Variants in CTSH observed in about 807,000 individuals in gnomAD.
CTSH encodes the protein pro-cathepsin H.
Under a neutral mutation model 56.3 loss-of-function variants are expected in CTSH, and 52 were observed. The observed-to-expected ratio is 0.92, with a 90% CI of 0.74 to 1.16. CTSH has a LOEUF of 1.16. Ranked by LOEUF, CTSH falls within the 50% of genes most tolerant of loss-of-function variation. The pLI, the probability that CTSH is intolerant of heterozygous loss-of-function variation, is 0.00. For synonymous variants in CTSH, 174 were observed against 155.7 expected (o/e 1.12, Z -0.88); for missense variants, 406 against 424.5 (o/e 0.96, Z 0.38).
chr15:78,929,624 G>A (rs981109976), intron 7 of CTSH, 131 bp from the exon 8 acceptor site: 4 of 599,136 alleles, frequency 6.7e-6, no homozygotes, highest in Non-Finnish European at 1.2e-5. Flanking sequence ...AGTGGCAGAG[G>A]GGGTCTCTGA....
intron 1 of CTSH, among the ~76,000 whole-genome samples, chr15:78,942,456 A>C (rs1335657181): frequency 6.6e-6 from 1 of 151,972 alleles, no homozygotes; most frequent in Non-Finnish European, 1.5e-5. Flanking sequence ...CAGGTGATCC[A>C]CCCACCTTGG....
At chr15:78,932,507 G>A (rs2055085078) in intron 5 of CTSH, 49 bp from the exon 6 acceptor site, 2 of 1,438,466 alleles carry the variant, frequency 1.4e-6, no homozygotes, top group Non-Finnish European at 2.0e-6. Context: ...GGGACGCCGT[G>A]AGACAGCCCT....
chr15:78,941,727 C>T (rs1397003328), intron 1 of CTSH, among the ~76,000 whole-genome samples: 1 of 142,770 alleles, frequency 7.0e-6, no homozygotes, highest in Non-Finnish European at 1.5e-5. Flanking sequence ...ACCCGGGAGG[C>T]GGGGCTTGCA....
At chr15:78,943,695 C>A (rs1420480130) in intron 1 of CTSH, among the ~76,000 whole-genome samples, 1 of 152,254 alleles carries the variant, frequency 6.6e-6, no homozygotes, top group Admixed American at 6.5e-5. Context: ...CACTTACATA[C>A]AATCTATGGT....
chr15:78,931,498 C>T lies in CTSH; in HGVS notation c.501G>A (p.Gln167=), dbSNP rs750969488. The change falls in exon 7 of 12, where the codon CAG becomes CAA. Residue 167 remains glutamine, a synonymous_variant. Coordinates refer to ENST00000220166, the MANE Select transcript of CTSH (RefSeq NM_004390.5). ...AGTCCTGGGCGCAGTCCACCAGCTG[C>T]TGTTCCGCCTGGAAGAAGGACACAA... ...ATGKMLSLAE[Q]QLVDCAQDFN... The T allele has an allele frequency of 1.2e-6, 2 of 1,614,266 alleles. No individual in the cohort carries two copies. Among genetic ancestry groups the T allele is most frequent in the Non-Finnish European group, 1.7e-6 (2 of 1,180,048 alleles).
At position 78,936,675 on chromosome 15, in the gene CTSH, G is replaced by C. The variant is rs1808757; in HGVS notation, c.229+643C>G. 0.027 allele frequency among the ~76,000 whole-genome samples: 4,030 copies of C among 151,884 alleles called. 474 individuals are homozygous for C. The East Asian group carries it at 0.36, about 14-fold the overall frequency. Reference sequence around the variant, plus strand: ...ATGGAGTTTCACTCTTGTTGCCCAGGCTGGAGTGCAATGGCACTATCTCGG... The same window carrying C: ...ATGGAGTTTCACTCTTGTTGCCCAGCCTGGAGTGCAATGGCACTATCTCGG... On this transcript the variant is annotated intron_variant, in intron 3 of 11. Coordinates refer to ENST00000220166, the MANE Select transcript of CTSH (RefSeq NM_004390.5).
chr15:78,930,287 A>T (rs1234848784), intron 7 of CTSH, among the ~76,000 whole-genome samples: 1 of 152,214 alleles, frequency 6.6e-6, no homozygotes, highest in East Asian at 1.9e-4. Context: ...GCACTTTGGG[A>T]GGCCAAGGTG....
In CTSH at chr15:78,934,544, CTGA is replaced by C. The variant is rs1480416115; in HGVS notation, c.405+431_405+433del. The stretch of plus-strand genomic sequence containing the variant: ...GCCAGCCCCTGCCATGAGAAGCTTG[CTGA>C]TGCATGACACATGGACTAACCAGAG... On this transcript the variant is annotated intron_variant, in intron 5 of 11. Coordinates refer to ENST00000220166, the MANE Select transcript of CTSH (RefSeq NM_004390.5). 6.6e-5 allele frequency among the ~76,000 whole-genome samples: 10 copies of C among 152,352 alleles called. 1 individual carries two copies. The East Asian group carries it at 1.7e-3, about 26-fold the overall frequency.
chr15:78,930,792 A>G (rs1229033159), intron 7 of CTSH, among the ~76,000 whole-genome samples: 1 of 152,048 alleles, frequency 6.6e-6, no homozygotes, highest in Non-Finnish European at 1.5e-5. Context: ...GGGGTCTGGG[A>G]GAGGGATGTG....
rs145872219 is a variant in CTSH, at chr15:78,927,512, C to G, written c.699+201G>C. 6.7e-4 allele frequency: 366 copies of G among 544,620 alleles called. No individual in the cohort carries two copies. In the Middle Eastern group the frequency reaches 8.8e-3, roughly 13 times the overall value. The allele number at this position is 544,620 out of a possible 1,614,324, so 33.7% of individuals were successfully genotyped here. On this transcript the variant is annotated intron_variant, in intron 9 of 11. Transcript: ENST00000220166. ...GGATCTGGAGTTCAGAACCAGAGGG[C>G]CTGCCTGCCAGTTTGCGCTCTCCCT...
chr15:78,939,642 C>A (rs1375351725), intron 1 of CTSH, among the ~76,000 whole-genome samples: 2 of 152,174 alleles, frequency 1.3e-5, no homozygotes, highest in East Asian at 3.8e-4. Flanking sequence ...AATCCCAGCA[C>A]TTTGGGAGGC....
intron 1 of CTSH, among the ~76,000 whole-genome samples, chr15:78,939,613 C>A (rs534501971): frequency 2.0e-5 from 3 of 152,200 alleles, no homozygotes; most frequent in Non-Finnish European, 4.4e-5. Flanking sequence ...TCCAGCTGGG[C>A]GCGGTGGCTC....
chr15:78,939,215 A>C (rs1479573427), intron 1 of CTSH, 44 bp from the exon 2 acceptor site: 8 of 1,524,820 alleles, frequency 5.2e-6, no homozygotes, highest in Non-Finnish European at 7.1e-6. Flanking sequence ...CATCACAGTA[A>C]TGTTGAGTCT....
intron 10 of CTSH, among the ~76,000 whole-genome samples, chr15:78,923,527 G>C (rs1423623060): frequency 6.6e-6 from 1 of 152,214 alleles, no homozygotes; most frequent in East Asian, 1.9e-4. Flanking sequence ...GACCTCAGGT[G>C]ATCCACCCAC....
At chr15:78,931,251 A>G (rs1381075648) in intron 7 of CTSH, among the ~76,000 whole-genome samples, 200 bp downstream of exon 7, 1 of 152,096 alleles carries the variant, frequency 6.6e-6, no homozygotes, top group Non-Finnish European at 1.5e-5. Flanking sequence ...AGAGGCCTGG[A>G]CTCAGATTCC....
intron 3 of CTSH, among the ~76,000 whole-genome samples, chr15:78,936,113 T>C (rs535346992): frequency 6.6e-6 from 1 of 152,018 alleles, no homozygotes; most frequent in East Asian, 1.9e-4. Context: ...TCCCACCTGC[T>C]GCCTAATTTG....
intron 1 of CTSH, chr15:78,944,651 G>C (rs1257693271): frequency 1.6e-6 from 1 of 618,350 alleles, no homozygotes; most frequent in South Asian, 3.8e-5. Context: ...CACCTGGCTA[G>C]GTGGGACCCT....
rs188377896 is a variant in CTSH, at chr15:78,930,059, C to G, written c.549-566G>C. On this transcript the variant is annotated intron_variant, in intron 7 of 11. Transcript: ENST00000220166. ...CTGTTTCTCTCCATAGCATTCCGCA[C>G]CGCCTGACCTAGTCTAGCCTTGACT... Among the ~76,000 whole-genome samples, 65 of 152,358 alleles carry G rather than the reference C, an allele frequency of 4.3e-4. 1 individual carries two copies. Among genetic ancestry groups the G allele is most frequent in the Non-Finnish European group, 7.8e-4 (53 of 68,036 alleles).
At chr15:78,927,820 A>G (rs373897681) in intron 8 of CTSH, 39 bp from the exon 9 acceptor site, 181 of 1,572,376 alleles carry the variant, frequency 1.2e-4, no homozygotes, top group Non-Finnish European at 1.5e-4. Flanking sequence ...CAGGTTATGG[A>G]CCCGAAGTCT....
Sources: allele counts gnomAD v4.1 joint callset (sites outside exome capture counted in the v4.1 genomes callset), GRCh38; gene constraint gnomAD v4.1.1; transcripts MANE v1.5; gene names NCBI Gene and HGNC (gene_info 2026-07-23, HGNC 2026-07-21).